Variants in ACTN4 observed in about 807,000 individuals in gnomAD.
ACTN4 encodes actinin alpha 4.
ACTN4 carries 18 observed loss-of-function variants against 114.2 expected under a neutral mutation model. The ratio of observed to expected loss-of-function variants is 0.16; its 90% CI spans 0.11 to 0.23. The LOEUF (loss-of-function observed/expected upper bound fraction) is 0.23, where lower values mean the gene tolerates loss of function less well. Ranked by LOEUF, ACTN4 falls within the 10% of genes least tolerant of loss-of-function variation. The pLI is 1.00. For missense variants in ACTN4, 722 were observed against 1,262.9 expected (o/e 0.57, Z 6.49); for synonymous variants, 515 against 506.3 (o/e 1.02, Z -0.23).
chr19:38,696,069 A>T (rs1033703185), intron 1 of ACTN4, among the ~76,000 whole-genome samples: 3 of 152,180 alleles, frequency 2.0e-5, no homozygotes, highest in African/African-American at 7.2e-5. Context: ...GGGTGACAGA[A>T]TTAGTAAGTG....
intron 9 of ACTN4, among the ~76,000 whole-genome samples, chr19:38,715,475 G>A (rs542091303): frequency 3.2e-4 from 48 of 152,226 alleles, no homozygotes; most frequent in African/African-American, 1.2e-3. Context: ...CTAGCCTAGC[G>A]ACAGAGCAAG....
At chr19:38,660,446 A>G (rs942742892) in intron 1 of ACTN4, among the ~76,000 whole-genome samples, 2 of 149,910 alleles carry the variant, frequency 1.3e-5, no homozygotes, top group Admixed American at 1.3e-4. Flanking sequence ...CCCAGGCTGG[A>G]GTGCAATGGC....
intron 9 of ACTN4, among the ~76,000 whole-genome samples, chr19:38,715,048 G>T (rs1968794290): frequency 6.6e-6 from 1 of 152,178 alleles, no homozygotes; most frequent in Admixed American, 6.5e-5. Flanking sequence ...GGAGGGTCAG[G>T]CACGTGCCTG....
intron 1 of ACTN4, among the ~76,000 whole-genome samples, chr19:38,679,899 GTC>G (rs1319080616): frequency 6.6e-6 from 1 of 152,134 alleles, no homozygotes; most frequent in Non-Finnish European, 1.5e-5. Context: ...TGACATCACA[GTC>G]TCTCTGTTTC....
chr19:38,661,971 C>CTGGCTT (rs1305225483), intron 1 of ACTN4, among the ~76,000 whole-genome samples: 1 of 152,200 alleles, frequency 6.6e-6, no homozygotes, highest in East Asian at 1.9e-4. Flanking sequence ...GATTTTTAAA[C>CTGGCTT]TGGCTTTTCT....
chr19:38,699,792 G>A (rs1228828572), intron 1 of ACTN4, among the ~76,000 whole-genome samples: 5 of 151,918 alleles, frequency 3.3e-5, no homozygotes, highest in East Asian at 1.9e-4. Context: ...AGGAAGGATA[G>A]GGCATGGCAT....
intron 1 of ACTN4, among the ~76,000 whole-genome samples, chr19:38,670,228 T>G (rs1307338337): frequency 6.6e-6 from 1 of 152,164 alleles, no homozygotes; most frequent in Non-Finnish European, 1.5e-5. Flanking sequence ...CACCCTCCAC[T>G]TCCACCTGGG....
At chr19:38,705,587 A>T (rs1968430999) in intron 4 of ACTN4, among the ~76,000 whole-genome samples, 2 of 152,204 alleles carry the variant, frequency 1.3e-5, no homozygotes, top group Admixed American at 1.3e-4. Context: ...CCGGTCTGTG[A>T]GGACAGCCGA....
Position 38,729,830 on chromosome 19 carries a change from G to C in ACTN4, c.*398G>C, listed in dbSNP as rs1382774691. The C allele has an allele frequency of 2.5e-6, 1 of 392,452 alleles. No homozygotes were observed. Among genetic ancestry groups the C allele is most frequent in the African/African-American group, 2.1e-5 (1 of 48,042 alleles). The allele number at this position is 392,452 out of a possible 1,614,324, so 24.3% of individuals were successfully genotyped here. A position where few individuals can be genotyped will look rare whatever the true frequency, so the allele number is the denominator to read the frequency against. On this transcript the variant is annotated 3_prime_UTR_variant, in exon 21 of 21. Coordinates refer to ENST00000252699, the MANE Select transcript of ACTN4 (RefSeq NM_004924.6). ...CCCAATCCAGGCCAAAGCCCCATGT[G>C]CCTTGTCCAGGAACTGCCTGGGCCA...
At position 38,729,094 on chromosome 19, in the gene ACTN4, C is replaced by A; in HGVS notation, c.2517C>A (p.Thr839=). 1 of 1,613,490 alleles carries A rather than the reference C, an allele frequency of 6.2e-7. No homozygotes were observed. The highest frequency in any genetic ancestry group is 8.5e-7 in the Non-Finnish European group (1 of 1,180,022). ...QAFIDFMSRE[T]TDTDTADQVI... is the part of the protein sequence containing the mutation. ...TCATCGACTTCATGTCGCGGGAGAC[C>A]ACCGACACGGACACGGCTGACCAGG... The change falls in exon 20 of 21, where the codon ACC becomes ACA. Residue 839 remains threonine, a synonymous_variant. Transcript: ENST00000252699.
Position 38,724,228 on chromosome 19 carries a change from G to A in ACTN4, c.1764G>A (p.Leu588=), listed in dbSNP as rs1281241704. 1 of 1,613,930 alleles carries A rather than the reference G, an allele frequency of 6.2e-7. No homozygotes were observed. Among genetic ancestry groups the A allele is most frequent in the South Asian group, 1.1e-5 (1 of 91,090 alleles). The change falls in exon 15 of 21, where the codon CTG becomes CTA. Residue 588 remains leucine (L), a synonymous_variant. Transcript: ENST00000252699. This position sits in a 1 kb window ranked among gnomAD's most constrained non-coding sequence, Gnocchi z 7.0. The stretch of plus-strand genomic sequence containing the variant: ...CCGATAGGGAGCGCGAGGCCATCCT[G>A]GCCATCCACAAGGAGGCCCAGAGGA... The part of the protein sequence containing the change: ...PDADREREAI[L]AIHKEAQRIA...
rs1055734422 is a variant in ACTN4, at chr19:38,725,589, G to T, written c.2011-135G>T. ...GTGAGCAGTGGGCCTTCCCTCCCAG[G>T]GACCCATGGGCCAAGGCCCCAGGCC... On this transcript the variant is annotated intron_variant, in intron 16 of 20. Coordinates refer to ENST00000252699, the MANE Select transcript of ACTN4 (RefSeq NM_004924.6). 4 of 909,330 alleles carry T rather than the reference G, an allele frequency of 4.4e-6. No homozygotes were observed. In the African/African-American group the frequency reaches 6.6e-5, roughly 15 times the overall value. 56.3% of individuals were successfully genotyped at this position (909,330 alleles called of 1,614,324 possible).
intron 11 of ACTN4, among the ~76,000 whole-genome samples, chr19:38,719,443 C>T (rs1199546515): frequency 6.6e-6 from 1 of 152,246 alleles, no homozygotes; most frequent in African/African-American, 2.4e-5. Context: ...GCTCAGCTCG[C>T]CATTCCCGCG....
intron 1 of ACTN4, among the ~76,000 whole-genome samples, chr19:38,670,291 A>G (rs1209636249): frequency 6.6e-6 from 1 of 152,184 alleles, no homozygotes; most frequent in Non-Finnish European, 1.5e-5. Context: ...AGGTCACAGG[A>G]AGGTGGAAGC....
chr19:38,728,973 C>T, intron 19 of ACTN4, 23 bp from the exon 20 acceptor site: 1 of 1,611,974 alleles, frequency 6.2e-7, no homozygotes, highest in Non-Finnish European at 8.5e-7. Context: ...TCGGGTGTCC[C>T]CCACCCCACC....
intron 19 of ACTN4, 47 bp downstream of exon 19, chr19:38,728,073 C>T: frequency 6.4e-7 from 1 of 1,559,810 alleles, no homozygotes; most frequent in East Asian, 2.4e-5. Flanking sequence ...ACTGCTCTCT[C>T]TCTCTCTCTC....
chr19:38,686,697 A>G (rs966234769), intron 1 of ACTN4, among the ~76,000 whole-genome samples: 10 of 152,176 alleles, frequency 6.6e-5, no homozygotes, highest in African/African-American at 2.2e-4. Context: ...GTTGAGACCT[A>G]TCTCTTCCTG....
chr19:38,719,701 T>TA (rs1246451622), intron 11 of ACTN4, among the ~76,000 whole-genome samples: 2 of 152,248 alleles, frequency 1.3e-5, no homozygotes, highest in Non-Finnish European at 2.9e-5. Context: ...CAGCCGTCCT[T>TA]ATCCATGGAG....
rs867500192 is a variant in ACTN4, at chr19:38,727,150, G to A, written c.2337+47G>A. 24 of 1,612,614 alleles carry A rather than the reference G, an allele frequency of 1.5e-5. No homozygotes were observed. Among genetic ancestry groups the A allele is most frequent in the Non-Finnish European group, 1.6e-5 (19 of 1,179,462 alleles). ...CGGCCTCTCCCCTCCCGCCGTTGCC[G>A]TACCAGCCCACACCTTCGTCTCTGC... On this transcript the variant is annotated intron_variant, in intron 18 of 20. Transcript: ENST00000252699. The surrounding 1 kb of genome is among the most constrained non-coding windows in gnomAD (Gnocchi z 5.4).
Sources: gnomAD v4.1 joint callset for allele counts (sites outside exome capture counted in the v4.1 genomes callset) on GRCh38, gnomAD v4.1.1 for gene constraint, Gnocchi (gnomAD v3.1) non-coding constraint, MANE v1.5 for transcripts, NCBI Gene and HGNC (gene_info 2026-07-23, HGNC 2026-07-21) for gene names.